Variants in ATP5MC1 observed in about 807,000 individuals in gnomAD.
ATP5MC1 encodes ATP synthase F(0) complex subunit C1, mitochondrial.
Under a neutral mutation model 12.1 loss-of-function variants are expected in ATP5MC1, and 4 were observed. The ratio of observed to expected loss-of-function variants is 0.33; its 90% CI spans 0.16 to 0.76. The LOEUF (loss-of-function observed/expected upper bound fraction) is 0.76, where lower values mean the gene tolerates loss of function less well. Among genes scored for constraint, ATP5MC1 ranks in the 30% least tolerant of loss-of-function variants. The pLI, the probability that ATP5MC1 is intolerant of heterozygous loss-of-function variation, is 0.61. For synonymous variants in ATP5MC1, 52 were observed against 66.0 expected (o/e 0.79, Z 1.03); for missense variants, 117 against 172.1 (o/e 0.68, Z 1.79).
chr17:48,894,461 A>C lies in ATP5MC1; in HGVS notation c.117+12A>C. On this transcript the variant is annotated intron_variant, in intron 3 of 4. Transcript: ENST00000393366. ...ATTCATCTAAACAGGTAAGGGAGGA[A>C]TAGCTCTCTTAGGAATGTTCCCAAG... 1.2e-6 allele frequency: 2 copies of C among 1,611,658 alleles called. No individual in the cohort carries two copies. Among genetic ancestry groups the C allele is most frequent in the Non-Finnish European group, 1.7e-6 (2 of 1,179,198 alleles).
At chr17:48,894,257 T>G in intron 2 of ATP5MC1, 115 bp from the exon 3 acceptor site, 1 of 1,019,268 alleles carries the variant, frequency 9.8e-7, no homozygotes, top group South Asian at 1.4e-5. Flanking sequence ...AAATTGACCT[T>G]GAAATACATT....
intron 2 of ATP5MC1, 31 bp from the exon 3 acceptor site, chr17:48,894,341 T>C: frequency 6.2e-7 from 1 of 1,609,322 alleles, no homozygotes; most frequent in Non-Finnish European, 8.5e-7. Context: ...CCTTGACTGA[T>C]TTGGTAGGAT....
rs779288492 is a variant in ATP5MC1, at chr17:48,894,444, A to G, written c.112A>G (p.Lys38Glu). 9 of 1,612,966 alleles carry G rather than the reference A, an allele frequency of 5.6e-6. No individual in the cohort carries two copies. The highest frequency in any genetic ancestry group is 7.6e-6 in the Non-Finnish European group (9 of 1,179,762). Residue 38 changes from lysine (K) to glutamate (E), a missense_variant, in exon 3 of 5, where the codon AAA (lysine) becomes GAA (glutamate). Lys to Glu is a moderately conservative substitution (Grantham distance 56). Coordinates refer to ENST00000393366, the MANE Select transcript of ATP5MC1 (RefSeq NM_005175.3). The part of the protein sequence containing the change: ...SFLNSPVNSS[K>E]QPSYSNFPLQ... ...CTTGAATAGCCCAGTGAATTCATCT[A>G]AACAGGTAAGGGAGGAATAGCTCTC... is the stretch of plus-strand genomic sequence containing the variant.
At chr17:48,895,400 G>A in intron 4 of ATP5MC1, 66 bp downstream of exon 4, 1 of 1,526,802 alleles carries the variant, frequency 6.5e-7, no homozygotes, top group South Asian at 1.3e-5. Flanking sequence ...AGCCTCAGCT[G>A]GAGGAGCTCC....
intron 3 of ATP5MC1, 23 bp from the exon 4 acceptor site, chr17:48,895,133 G>A (rs758681038): frequency 1.4e-5 from 22 of 1,590,634 alleles, no homozygotes; most frequent in South Asian, 5.6e-5. Flanking sequence ...CTGCTATCTC[G>A]CCTGCCTTGC....
chr17:48,894,681 A>G (rs565805546), intron 3 of ATP5MC1: 100 of 518,590 alleles, frequency 1.9e-4, no homozygotes, highest in African/African-American at 1.8e-3. Context: ...AGATGAGAGG[A>G]TTGGTTAATC....
At chr17:48,893,111 C>T in intron 1 of ATP5MC1, 1 of 423,018 alleles carries the variant, frequency 2.4e-6, no homozygotes, top group South Asian at 3.7e-5. Context: ...CAGGATCCTG[C>T]GCGACACCTG....
In ATP5MC1 at chr17:48,895,816, C is replaced by A; in HGVS notation, c.*47C>A. 6.6e-7 allele frequency: 1 copy of A among 1,511,684 alleles called. No individual in the cohort carries two copies. The allele number at this position is 1,511,684 out of a possible 1,614,324, so 93.6% of individuals were successfully genotyped here. A position where few individuals can be genotyped will look rare whatever the true frequency, so the allele number is the denominator to read the frequency against. On this transcript the variant is annotated 3_prime_UTR_variant, in exon 5 of 5. Coordinates refer to ENST00000393366, the MANE Select transcript of ATP5MC1 (RefSeq NM_005175.3). ...GCCTGTTGCTACTGCAACTCCACAC[C>A]ATTCTTGGTGCTGGGGTGTGTTAAG...
rs553141572 is a variant in ATP5MC1, at chr17:48,895,834, G to A, written c.*65G>A. 3 of 1,459,302 alleles carry A rather than the reference G, an allele frequency of 2.1e-6. No homozygotes were observed. The highest frequency in any genetic ancestry group is 2.3e-5 in the East Asian group (1 of 44,088). The allele number at this position is 1,459,302 out of a possible 1,614,324, so 90.4% of individuals were successfully genotyped here. A position where few individuals can be genotyped will look rare whatever the true frequency, so the allele number is the denominator to read the frequency against. On this transcript the variant is annotated 3_prime_UTR_variant, in exon 5 of 5. Transcript: ENST00000393366. The stretch of plus-strand genomic sequence containing the variant: ...TCCACACCATTCTTGGTGCTGGGGT[G>A]TGTTAAGCTTTACCATTAAACACAA...
At position 48,895,527 on chromosome 17, in the gene ATP5MC1, C is replaced by T. The variant is rs1176732248; in HGVS notation, c.297-128C>T. 13 of 1,273,582 alleles carry T rather than the reference C, an allele frequency of 1.0e-5. No homozygotes were observed. The East Asian group carries it at 2.6e-4, about 25-fold the overall frequency. The allele number at this position is 1,273,582 out of a possible 1,614,324, so 78.9% of individuals were successfully genotyped here. On this transcript the variant is annotated intron_variant, in intron 4 of 4. Coordinates refer to ENST00000393366, the MANE Select transcript of ATP5MC1 (RefSeq NM_005175.3). ...GCCCACTCTGCTTGTCCATCCAAATCCCCAGGATCTGTGCAGGCTAGGCCC... is the reference window on the plus strand; with the variant it reads ...GCCCACTCTGCTTGTCCATCCAAATTCCCAGGATCTGTGCAGGCTAGGCCC...
intron 2 of ATP5MC1, chr17:48,894,081 T>G (rs2040551618): frequency 2.6e-5 from 9 of 346,120 alleles, no homozygotes; most frequent in South Asian, 2.5e-4. Context: ...TGTACCTGCT[T>G]TGGTATTAGT....
chr17:48,894,628 T>G, intron 3 of ATP5MC1, 179 bp downstream of exon 3: 2 of 580,458 alleles, frequency 3.4e-6, no homozygotes, highest in Non-Finnish European at 6.1e-6. Flanking sequence ...AAATTAGCCA[T>G]GTGTGGTGGC....
Position 48,895,781 on chromosome 17 carries a change from G to T in ATP5MC1, c.*12G>T. ...TCTTCGCCATGTGAGGCTCCATGGG[G>T]GGGTCACCGGCCTGTTGCTACTGCA... On this transcript the variant is annotated 3_prime_UTR_variant, in exon 5 of 5. Transcript: ENST00000393366. 6.2e-7 allele frequency: 1 copy of T among 1,606,206 alleles called. No individual in the cohort carries two copies.
rs748028519 is a variant in ATP5MC1, at chr17:48,895,772, C to G, written c.*3C>G. 3.8e-5 allele frequency: 55 copies of G among 1,464,834 alleles called. No homozygotes were observed. Among genetic ancestry groups the G allele is most frequent in the Non-Finnish European group, 4.8e-5 (53 of 1,110,384 alleles). The allele number at this position is 1,464,834 out of a possible 1,614,324, so 90.7% of individuals were successfully genotyped here. A position where few individuals can be genotyped will look rare whatever the true frequency, so the allele number is the denominator to read the frequency against. On this transcript the variant is annotated 3_prime_UTR_variant, in exon 5 of 5. Coordinates refer to ENST00000393366, the MANE Select transcript of ATP5MC1 (RefSeq NM_005175.3). Reference sequence around the variant, plus strand: ...TCCTCATCCTCTTCGCCATGTGAGGCTCCATGGGGGGGTCACCGGCCTGTT... The same window carrying G: ...TCCTCATCCTCTTCGCCATGTGAGGGTCCATGGGGGGGTCACCGGCCTGTT...
chr17:48,894,920 T>G (rs767069558), intron 3 of ATP5MC1: 2 of 654,348 alleles, frequency 3.1e-6, no homozygotes, highest in Middle Eastern at 2.4e-4. Flanking sequence ...GGTAAGAAAC[T>G]TATAAAAGTG....
chr17:48,895,344 G>A lies in ATP5MC1; in HGVS notation c.296+10G>A, dbSNP rs1241733653. On this transcript the variant is annotated intron_variant, in intron 4 of 4. Transcript: ENST00000393366. ...TCATTGGCTATGCCAGGTAAGTTTG[G>A]GTGGTCTACAGCATCTCCCACTGTA... 1 of 1,580,498 alleles carries A rather than the reference G, an allele frequency of 6.3e-7. No homozygotes were observed. The highest frequency in any genetic ancestry group is 1.7e-5 in the Admixed American group (1 of 58,414).
intron 4 of ATP5MC1, 149 bp from the exon 5 acceptor site, chr17:48,895,506 A>G: frequency 7.9e-7 from 1 of 1,272,206 alleles, no homozygotes; most frequent in Non-Finnish European, 1.1e-6. Context: ...AGGTTGGCCC[A>G]CTCTGCTTGT....
In ATP5MC1 at chr17:48,895,780, G is replaced by T; in HGVS notation, c.*11G>T. The T allele has an allele frequency of 1.2e-6, 2 of 1,604,542 alleles. No homozygotes were observed. The highest frequency in any genetic ancestry group is 1.7e-6 in the Non-Finnish European group (2 of 1,172,148). On this transcript the variant is annotated 3_prime_UTR_variant, in exon 5 of 5. Coordinates refer to ENST00000393366, the MANE Select transcript of ATP5MC1 (RefSeq NM_005175.3). ...CTCTTCGCCATGTGAGGCTCCATGGGGGGGTCACCGGCCTGTTGCTACTGC... is the reference window on the plus strand; with the variant it reads ...CTCTTCGCCATGTGAGGCTCCATGGTGGGGTCACCGGCCTGTTGCTACTGC...
chr17:48,893,804 G>A (rs1159641950), intron 2 of ATP5MC1: 1 of 321,344 alleles, frequency 3.1e-6, no homozygotes, highest in Non-Finnish European at 5.7e-6. Flanking sequence ...ATTTGCATCA[G>A]ACTTTGGGAA....
Sources: gnomAD v4.1 joint callset for allele counts on GRCh38, gnomAD v4.1.1 for gene constraint, MANE v1.5 for transcripts, NCBI Gene and HGNC (gene_info 2026-07-23, HGNC 2026-07-21) for gene names.